The following RNF216 variants were observed in gnomAD, a reference collection of about 807,000 sequenced individuals.
RNF216 encodes E3 ubiquitin-protein ligase RNF216.
RNF216 carries 72 observed loss-of-function variants against 110.8 expected under a neutral mutation model. The observed-to-expected ratio is 0.65, with a 90% CI of 0.54 to 0.79. RNF216 has a LOEUF of 0.79. Ranked by LOEUF, RNF216 falls within the 30% of genes least tolerant of loss-of-function variation. The pLI, the probability that RNF216 is intolerant of heterozygous loss-of-function variation, is 0.00. For synonymous variants in RNF216, 495 were observed against 407.5 expected, an observed-to-expected ratio of 1.21 and a Z score of -2.59; for missense variants, 1,342 against 1,141.2, an observed-to-expected ratio of 1.18 and a Z score of -2.54.
At chr7:5,739,563 G>C in intron 4 of RNF216, 1 of 639,704 alleles carries the variant, frequency 1.6e-6, no homozygotes, top group African/African-American at 1.8e-5. Context: ...GAGAGATCTG[G>C]TTCTCTGTCC....
Position 5,715,098 on chromosome 7 carries a change from C to A in RNF216, c.1788G>T (p.Glu596Asp). Residue 596 changes from glutamate (E) to aspartate (D), a missense_variant, in exon 11 of 17, where the codon GAG becomes GAT. Transcript: ENST00000389902. Reference protein sequence around the residue: ...QCADAHLFCKECLIRYAQEAV... With the variant: ...QCADAHLFCKDCLIRYAQEAV... ...CCTCTTGGGCATATCTGATGAGACACTCTTTGCAGAACAAGTGAGCATCTG... is the reference window on the plus strand; with the variant it reads ...CCTCTTGGGCATATCTGATGAGACAATCTTTGCAGAACAAGTGAGCATCTG... The A allele has an allele frequency of 6.2e-7, 1 of 1,614,006 alleles. No individual in the cohort carries two copies. Among genetic ancestry groups the A allele is most frequent in the Non-Finnish European group, 8.5e-7 (1 of 1,179,998 alleles).
intron 15 of RNF216, among the ~76,000 whole-genome samples, chr7:5,639,227 A>T (rs947661969): frequency 7.2e-5 from 11 of 152,142 alleles, no homozygotes; most frequent in African/African-American, 2.4e-4. Flanking sequence ...GCTGCTTGGA[A>T]TGTGGATTTA....
rs1475185361 is a variant in RNF216 at position 5,622,410 on chromosome 7, C to G, written c.*450G>C. 1.2e-5 allele frequency: 2 copies of G among 160,420 alleles called. No individual in the cohort carries two copies. Among genetic ancestry groups the G allele is most frequent in the African/African-American group, 4.8e-5 (2 of 41,770 alleles). 9.9% of individuals were successfully genotyped at this position (160,420 alleles called of 1,614,324 possible). On this transcript the variant is annotated 3_prime_UTR_variant, in exon 17 of 17. Coordinates refer to ENST00000389902, the MANE Select transcript of RNF216 (RefSeq NM_207111.4). ...TCTGCGGGCCATGGTCCCAGCCCCC[C>G]ACCCTGAGCAATGCTTCCCAGGCCC...
At chr7:5,671,713 G>A (rs1170702970) in intron 13 of RNF216, among the ~76,000 whole-genome samples, 1 of 148,888 alleles carries the variant, frequency 6.7e-6, no homozygotes. Context: ...GCTGAGGCAG[G>A]AGAATCTCTT....
chr7:5,733,712 C>A (rs1219096150), intron 5 of RNF216, among the ~76,000 whole-genome samples: 1 of 146,898 alleles, frequency 6.8e-6, no homozygotes, highest in Non-Finnish European at 1.5e-5. Context: ...GTAAACAATT[C>A]ACACGCAAGG....
intron 3 of RNF216, among the ~76,000 whole-genome samples, chr7:5,746,881 C>G (rs1291032105): frequency 6.6e-6 from 1 of 152,118 alleles, no homozygotes. Flanking sequence ...CCTAAGACTC[C>G]AAATTACACG....
At chr7:5,763,946 T>C (rs955884803) in intron 1 of RNF216, among the ~76,000 whole-genome samples, 4 of 152,118 alleles carry the variant, frequency 2.6e-5, no homozygotes, top group Non-Finnish European at 4.4e-5. Context: ...CTAAGCACCT[T>C]GGGAGGCCGA....
rs188576534 is a variant in RNF216, at chr7:5,671,576, G to A, written c.2062-19066C>T. On this transcript the variant is annotated intron_variant, in intron 13 of 16. Transcript: ENST00000389902. ...TCCCAGTACTTTGGGAGGCCAAGGC[G>A]GGCGGATCAAGAGGTCAGCAGTTCG... 2.6e-5 allele frequency among the ~76,000 whole-genome samples: 4 copies of A among 152,216 alleles called. No homozygotes were observed. The East Asian group carries it at 5.8e-4, about 22-fold the overall frequency.
At chr7:5,758,084 C>T (rs760709894) in intron 2 of RNF216, among the ~76,000 whole-genome samples, 6 of 151,980 alleles carry the variant, frequency 3.9e-5, no homozygotes, top group East Asian at 1.9e-4. Context: ...TATACATACT[C>T]GTCTAACAAA....
chr7:5,744,290 G>C (rs1384973112), intron 3 of RNF216, among the ~76,000 whole-genome samples: 1 of 152,204 alleles, frequency 6.6e-6, no homozygotes, highest in Non-Finnish European at 1.5e-5. Flanking sequence ...CAGTTGAAGA[G>C]AGAAATTAGT....
chr7:5,686,258 C>G (rs1439896890), intron 13 of RNF216, among the ~76,000 whole-genome samples: 4 of 149,056 alleles, frequency 2.7e-5, no homozygotes, highest in African/African-American at 7.5e-5. Context: ...ATGGAGCGTG[C>G]TTCTCCAAAC....
chr7:5,758,801 G>A (rs1340905585), intron 2 of RNF216, among the ~76,000 whole-genome samples: 2 of 152,136 alleles, frequency 1.3e-5, no homozygotes, highest in African/African-American at 4.8e-5. Flanking sequence ...GACTAGACTT[G>A]TCACAGATAA....
chr7:5,625,270 G>A lies in RNF216; in HGVS notation c.2383-1145C>T, dbSNP rs1010042703. On this transcript the variant is annotated intron_variant, in intron 15 of 16. Transcript: ENST00000389902. The stretch of plus-strand genomic sequence containing the variant: ...AGGAGTTGAGAGCAGCCGAGCTGGG[G>A]AGAAGGATGGGGAGGGATGGTGGTC... 2.0e-5 allele frequency among the ~76,000 whole-genome samples: 3 copies of A among 152,246 alleles called. No individual in the cohort carries two copies. In the East Asian group the frequency reaches 5.8e-4, roughly 29 times the overall value.
chr7:5,710,265 C>T (rs911724482), intron 13 of RNF216, among the ~76,000 whole-genome samples: 4 of 151,856 alleles, frequency 2.6e-5, no homozygotes, highest in African/African-American at 9.7e-5. Flanking sequence ...GAGGCTGAGG[C>T]AGGAGAACTG....
chr7:5,708,277 T>C (rs1282483709), intron 13 of RNF216, among the ~76,000 whole-genome samples: 1 of 152,230 alleles, frequency 6.6e-6, no homozygotes, highest in Non-Finnish European at 1.5e-5. Flanking sequence ...AAGTCAGCTG[T>C]TTCCTTACTA....
chr7:5,720,950 A>G, intron 9 of RNF216, 83 bp downstream of exon 9: 2 of 1,341,386 alleles, frequency 1.5e-6, no homozygotes, highest in Admixed American at 2.2e-5. Flanking sequence ...GGAAATCTTA[A>G]AAGACAGTTT....
chr7:5,777,965 T>C (rs932515748), intron 1 of RNF216, among the ~76,000 whole-genome samples: 1 of 152,156 alleles, frequency 6.6e-6, no homozygotes. Context: ...GAGGGTAAAA[T>C]CAACGTTTTC....
chr7:5,709,318 C>T (rs1792508211), intron 13 of RNF216, among the ~76,000 whole-genome samples: 1 of 152,190 alleles, frequency 6.6e-6, no homozygotes, highest in African/African-American at 2.4e-5. Context: ...GAGCTTCCTC[C>T]CAATCACATG....
chr7:5,777,853 C>A (rs185396813), intron 1 of RNF216, among the ~76,000 whole-genome samples: 4 of 152,150 alleles, frequency 2.6e-5, no homozygotes, highest in Admixed American at 1.3e-4. Context: ...CTTCAGTGGG[C>A]GGGCTAAACA....
Sources: gnomAD v4.1 joint callset for allele counts (sites outside exome capture counted in the v4.1 genomes callset) on GRCh38, gnomAD v4.1.1 for gene constraint, MANE v1.5 for transcripts, NCBI Gene and HGNC (gene_info 2026-07-23, HGNC 2026-07-21) for gene names.